The following IGF2BP3 variants were observed in gnomAD, a reference collection of about 807,000 sequenced individuals.
IGF2BP3 encodes the protein insulin like growth factor 2 mRNA binding protein 3, also known as insulin-like growth factor 2 mRNA-binding protein 3.
IGF2BP3 carries 9 observed loss-of-function variants against 73.8 expected under a neutral mutation model. That is an observed-to-expected ratio of 0.12 (90% CI 0.07 to 0.21). The LOEUF is 0.21. Ranked by LOEUF, IGF2BP3 falls within the 10% of genes least tolerant of loss-of-function variation. IGF2BP3 has a pLI of 1.00. For missense variants in IGF2BP3, 542 were observed against 714.0 expected (o/e 0.76, Z 2.75); for synonymous variants, 258 against 256.7 (o/e 1.01, Z -0.05).
intron 3 of IGF2BP3, among the ~76,000 whole-genome samples, chr7:23,384,797 G>A (rs1184602950): frequency 1.3e-5 from 2 of 152,144 alleles, no homozygotes; most frequent in Non-Finnish European, 2.9e-5. Flanking sequence ...AGGGTGAGGT[G>A]GGAGGATCAC....
chr7:23,440,452 A>G (rs1486254780), intron 2 of IGF2BP3, among the ~76,000 whole-genome samples: 1 of 152,204 alleles, frequency 6.6e-6, no homozygotes, highest in Non-Finnish European at 1.5e-5. Context: ...AAGCTTTATA[A>G]TTTGAAAAAT....
In IGF2BP3 at chr7:23,358,012, A is replaced by T. The variant is rs373223841; in HGVS notation, c.401+3522T>A. 1.1e-4 allele frequency among the ~76,000 whole-genome samples: 17 copies of T among 152,362 alleles called. No individual in the cohort carries two copies. The East Asian group carries it at 3.1e-3, about 28-fold the overall frequency. On this transcript the variant is annotated intron_variant, in intron 5 of 14. Coordinates refer to ENST00000258729, the MANE Select transcript of IGF2BP3 (RefSeq NM_006547.3). ...ACAGGGGAGCAGAAGCAGCAATCAA[A>T]CATGTTGGAAAAATACATAATAGCT... is the stretch of plus-strand genomic sequence containing the variant.
At chr7:23,433,718 G>T (rs904220733) in intron 2 of IGF2BP3, among the ~76,000 whole-genome samples, 1 of 151,092 alleles carries the variant, frequency 6.6e-6, no homozygotes, top group Non-Finnish European at 1.5e-5. Flanking sequence ...ATTGAACAGA[G>T]CTTATCTAAA....
chr7:23,323,141 G>C (rs1011831794), intron 10 of IGF2BP3, among the ~76,000 whole-genome samples: 14 of 152,104 alleles, frequency 9.2e-5, no homozygotes, highest in African/African-American at 2.7e-4. Flanking sequence ...TGGATAAAGA[G>C]TCAAGACCCA....
chr7:23,398,597 T>C (rs1192204768), intron 3 of IGF2BP3, among the ~76,000 whole-genome samples: 2 of 152,230 alleles, frequency 1.3e-5, no homozygotes, highest in Non-Finnish European at 2.9e-5. Context: ...TTTTTAATGA[T>C]TGCCATTTTA....
chr7:23,420,736 T>TTC (rs1787321283), intron 2 of IGF2BP3, among the ~76,000 whole-genome samples: 1 of 152,178 alleles, frequency 6.6e-6, no homozygotes, highest in South Asian at 2.1e-4. Flanking sequence ...CTCAGGTACA[T>TTC]CCTGTCTACA....
intron 2 of IGF2BP3, among the ~76,000 whole-genome samples, chr7:23,436,629 A>T (rs1014022530): frequency 6.6e-6 from 1 of 152,240 alleles, no homozygotes; most frequent in Non-Finnish European, 1.5e-5. Flanking sequence ...TTAACTTTAC[A>T]TGACTATCTG....
At chr7:23,385,420 G>C (rs1786051199) in intron 3 of IGF2BP3, among the ~76,000 whole-genome samples, 1 of 152,162 alleles carries the variant, frequency 6.6e-6, no homozygotes, top group Non-Finnish European at 1.5e-5. Context: ...CCTAAGACTA[G>C]AAATTCAAAT....
chr7:23,418,040 G>C (rs1787242142), intron 3 of IGF2BP3, among the ~76,000 whole-genome samples: 1 of 151,990 alleles, frequency 6.6e-6, no homozygotes, highest in African/African-American at 2.4e-5. Context: ...TTTTGATGGG[G>C]GTTATGATTT....
Position 23,311,394 on chromosome 7 carries a change from TCA to T in IGF2BP3, c.*966_*967del, listed in dbSNP as rs1420387772. 2 of 152,630 alleles carry T rather than the reference TCA, an allele frequency of 1.3e-5. No homozygotes were observed. The highest frequency in any genetic ancestry group is 2.9e-5 in the Non-Finnish European group (2 of 68,038). 9.5% of individuals were successfully genotyped at this position (152,630 alleles called of 1,614,324 possible). On this transcript the variant is annotated 3_prime_UTR_variant, in exon 15 of 15. Coordinates refer to ENST00000258729, the MANE Select transcript of IGF2BP3 (RefSeq NM_006547.3). The stretch of plus-strand genomic sequence containing the variant: ...GAAGCACAAAGCATTTATTATGCAT[TCA>T]ATCATGTAGCTAAACAAAAAACTGA...
chr7:23,326,928 G>GA (rs1174959014), intron 10 of IGF2BP3, among the ~76,000 whole-genome samples: 1 of 109,104 alleles, frequency 9.2e-6, no homozygotes, highest in African/African-American at 3.5e-5. Context: ...GGGGTGGGGG[G>GA]AGGGGGGAGG....
At chr7:23,427,024 T>C (rs1436314277) in intron 2 of IGF2BP3, among the ~76,000 whole-genome samples, 1 of 152,214 alleles carries the variant, frequency 6.6e-6, no homozygotes, top group Non-Finnish European at 1.5e-5. Flanking sequence ...TTGTGCTCCT[T>C]ATCACATCAC....
At chr7:23,430,405 G>C (rs936391533) in intron 2 of IGF2BP3, among the ~76,000 whole-genome samples, 2 of 152,134 alleles carry the variant, frequency 1.3e-5, no homozygotes, top group Non-Finnish European at 2.9e-5. Context: ...GGAACACAAG[G>C]TTCGGATTTG....
At chr7:23,423,659 T>G (rs1292129113) in intron 2 of IGF2BP3, among the ~76,000 whole-genome samples, 1 of 151,712 alleles carries the variant, frequency 6.6e-6, no homozygotes, top group African/African-American at 2.4e-5. Flanking sequence ...CACTATATGG[T>G]GGAGGGGGGG....
intron 3 of IGF2BP3, among the ~76,000 whole-genome samples, chr7:23,392,373 T>C (rs954777519): frequency 6.8e-6 from 1 of 146,240 alleles, no homozygotes; most frequent in African/African-American, 2.6e-5. Context: ...CAGTAAGTAG[T>C]GCTGTCACAA....
intron 2 of IGF2BP3, among the ~76,000 whole-genome samples, chr7:23,438,328 G>T (rs551451904): frequency 6.6e-6 from 1 of 152,282 alleles, no homozygotes; most frequent in South Asian, 2.1e-4. Flanking sequence ...TAGCCAGGCT[G>T]GTCTTGAATT....
At chr7:23,448,227 A>G (rs915377698) in intron 2 of IGF2BP3, among the ~76,000 whole-genome samples, 5 of 152,184 alleles carry the variant, frequency 3.3e-5, no homozygotes, top group Admixed American at 6.5e-5. Context: ...AGTTTTAGGA[A>G]TAACAGAAGG....
chr7:23,409,303 C>T (rs1248318808), intron 3 of IGF2BP3, among the ~76,000 whole-genome samples: 1 of 152,164 alleles, frequency 6.6e-6, no homozygotes, highest in African/African-American at 2.4e-5. Context: ...AAAAAGACAA[C>T]TTAGTAAAGT....
At chr7:23,451,649 C>T (rs1211288021) in intron 2 of IGF2BP3, among the ~76,000 whole-genome samples, 1 of 151,876 alleles carries the variant, frequency 6.6e-6, no homozygotes, top group Non-Finnish European at 1.5e-5. Flanking sequence ...CAAAATATGC[C>T]ACAGAATATA....
Sources: allele counts gnomAD v4.1 joint callset (sites outside exome capture counted in the v4.1 genomes callset), GRCh38; gene constraint gnomAD v4.1.1; transcripts MANE v1.5; gene names NCBI Gene and HGNC (gene_info 2026-07-23, HGNC 2026-07-21).